The following IQCB1 variants were observed in gnomAD, a reference collection of about 807,000 sequenced individuals.
IQCB1 encodes IQ motif containing B1.
IQCB1 carries 56 observed loss-of-function variants against 84.4 expected under a neutral mutation model. That is an observed-to-expected ratio of 0.66 (90% CI 0.54 to 0.83). The LOEUF is 0.83. IQCB1 is among the 40% of genes least tolerant of loss of function. IQCB1 has a pLI of 0.00. For synonymous variants in IQCB1, 210 were observed against 234.8 expected, an observed-to-expected ratio of 0.89 and a Z score of 0.96; for missense variants, 629 against 682.1, an observed-to-expected ratio of 0.92 and a Z score of 0.87.
intron 5 of IQCB1, among the ~76,000 whole-genome samples, chr3:121,823,273 C>T (rs1184272129): frequency 6.6e-6 from 1 of 152,036 alleles, no homozygotes; most frequent in Admixed American, 6.6e-5. Context: ...ATAGGGCAAA[C>T]AAAAGTATTT....
chr3:121,803,948 AGGTTTAAATCTACCACTT>A (rs1428093359), intron 7 of IQCB1, among the ~76,000 whole-genome samples: 2 of 152,086 alleles, frequency 1.3e-5, no homozygotes, highest in African/African-American at 4.8e-5. Context: ...TAAGATAGAT[AGGTTTAAATCTACCACTT>A]GGTTTTGTTT....
At chr3:121,792,326 T>C (rs566780938) in intron 10 of IQCB1, among the ~76,000 whole-genome samples, 42 of 151,868 alleles carry the variant, frequency 2.8e-4, no homozygotes, top group Non-Finnish European at 4.7e-4. Flanking sequence ...CTATGGAGCA[T>C]GAAGGTGGAA....
At chr3:121,781,992 A>G in intron 12 of IQCB1, 118 bp from the exon 13 acceptor site, 1 of 1,028,222 alleles carries the variant, frequency 9.7e-7, no homozygotes, top group Non-Finnish European at 1.5e-6. Context: ...GAGTGTGTAT[A>G]AGGAGGGGAA....
At chr3:121,826,358 C>A (rs371857548) in intron 4 of IQCB1, among the ~76,000 whole-genome samples, 178 bp from the exon 5 acceptor site, 29 of 152,156 alleles carry the variant, frequency 1.9e-4, no homozygotes, top group Admixed American at 5.9e-4. Context: ...GTGGTATGGA[C>A]CATGCTTGTA....
intron 2 of IQCB1, among the ~76,000 whole-genome samples, chr3:121,831,447 C>T (rs1950636829): frequency 6.6e-6 from 1 of 152,114 alleles, no homozygotes; most frequent in Non-Finnish European, 1.5e-5. Flanking sequence ...GTTAGCTCCT[C>T]TAGCAAATTA....
chr3:121,807,504 T>C (rs1949649560), intron 6 of IQCB1, 61 bp from the exon 7 acceptor site: 1 of 904,070 alleles, frequency 1.1e-6, no homozygotes, highest in Non-Finnish European at 1.8e-6. Flanking sequence ...CAAAGGAAGA[T>C]TTTGTTCTTT....
chr3:121,771,170 C>T (rs1200726348), intron 14 of IQCB1, among the ~76,000 whole-genome samples: 1 of 151,500 alleles, frequency 6.6e-6, no homozygotes, highest in Admixed American at 6.6e-5. Flanking sequence ...GGGCGTTTCA[C>T]CATGTTGGTC....
chr3:121,771,476 C>T (rs1947989693), intron 14 of IQCB1, among the ~76,000 whole-genome samples: 1 of 148,726 alleles, frequency 6.7e-6, no homozygotes, highest in African/African-American at 2.5e-5. Flanking sequence ...TTACAGGCAC[C>T]CGCCACCATG....
intron 12 of IQCB1, among the ~76,000 whole-genome samples, chr3:121,786,787 G>A (rs1021363729): frequency 8.5e-5 from 13 of 152,106 alleles, no homozygotes; most frequent in Admixed American, 3.9e-4. Flanking sequence ...TCTAAGAAAT[G>A]GTAGGCAAAC....
At chr3:121,832,967 G>T (rs955307558) in intron 2 of IQCB1, among the ~76,000 whole-genome samples, 1 of 151,972 alleles carries the variant, frequency 6.6e-6, no homozygotes. Flanking sequence ...ACATACACAG[G>T]GTATCTTTTT....
intron 2 of IQCB1, among the ~76,000 whole-genome samples, chr3:121,831,383 AG>A (rs1950634092): frequency 6.6e-6 from 1 of 152,064 alleles, no homozygotes; most frequent in Non-Finnish European, 1.5e-5. Context: ...CATGTTGCCC[AG>A]GGTCTCTGTA....
intron 2 of IQCB1, among the ~76,000 whole-genome samples, chr3:121,831,735 T>C (rs538510936): frequency 6.6e-5 from 10 of 152,328 alleles, no homozygotes; most frequent in African/African-American, 2.2e-4. Context: ...GTGTTGATTG[T>C]CATGATGTGA....
chr3:121,800,019 A>G (rs1949344156), intron 7 of IQCB1, among the ~76,000 whole-genome samples: 1 of 151,872 alleles, frequency 6.6e-6, no homozygotes, highest in Non-Finnish European at 1.5e-5. Context: ...AAAATACTTT[A>G]CAATTCTGTA....
At chr3:121,819,635 A>G (rs192697210) in intron 5 of IQCB1, among the ~76,000 whole-genome samples, 29 of 152,308 alleles carry the variant, frequency 1.9e-4, no homozygotes, top group African/African-American at 6.7e-4. Flanking sequence ...TTAATGATTA[A>G]TAATTATGCT....
chr3:121,811,360 C>T (rs964141294), intron 5 of IQCB1, among the ~76,000 whole-genome samples: 4 of 152,178 alleles, frequency 2.6e-5, no homozygotes, highest in African/African-American at 9.6e-5. Context: ...AGACACTGAG[C>T]TAGCTGCACG....
rs1438556487 is a variant in IQCB1 at position 121,808,986 on chromosome 3, T to C, written c.417A>G (p.Leu139=). 1.2e-6 allele frequency: 2 copies of C among 1,606,668 alleles called. No individual in the cohort carries two copies. The highest frequency in any genetic ancestry group is 2.2e-5 in the East Asian group (1 of 44,704). ...AATCAGTCACAATTTGGAAAAAGTG[T>C]AGTAATTCATCTTTTTCTTCAGCCT... ...AAKAEEKDEL[L]HFFQIVTDSL... The change falls in exon 6 of 15, where the codon CTA becomes CTG. Residue 139 remains leucine (L), a synonymous_variant. Coordinates refer to ENST00000310864, the MANE Select transcript of IQCB1 (RefSeq NM_001023570.4).
chr3:121,772,843 A>C, intron 13 of IQCB1, 130 bp from the exon 14 acceptor site: 1 of 819,654 alleles, frequency 1.2e-6, no homozygotes, highest in Non-Finnish European at 2.1e-6. Flanking sequence ...ATTGATGTCT[A>C]TCTTGTACTC....
Position 121,770,509 on chromosome 3 carries a change from C to T in IQCB1, c.1633G>A (p.Val545Met). The T allele has an allele frequency of 1.9e-6, 3 of 1,614,200 alleles. No individual in the cohort carries two copies. The highest frequency in any genetic ancestry group is 2.5e-6 in the Non-Finnish European group (3 of 1,180,038). Residue 545 changes from valine to methionine, a missense_variant, in exon 15 of 15, where the codon GTG becomes ATG. Val to Met is a conservative substitution (Grantham distance 21, BLOSUM62 1). Transcript: ENST00000310864. ...TGGGCCTGCTTGGCCTTGGCTGCCACAGGCCTGGATCTACTTAGGAAGAGC... is the reference window on the plus strand; with the variant it reads ...TGGGCCTGCTTGGCCTTGGCTGCCATAGGCCTGGATCTACTTAGGAAGAGC... ...PELFLSRSRP[V>M]AAKAKQAHLT...
chr3:121,783,843 T>G (rs1018120084), intron 12 of IQCB1, among the ~76,000 whole-genome samples: 13 of 152,202 alleles, frequency 8.5e-5, no homozygotes, highest in African/African-American at 3.1e-4. Flanking sequence ...AAAAATGTCT[T>G]TGGTCTGTCC....
Sources: gnomAD v4.1 joint callset for allele counts (sites outside exome capture counted in the v4.1 genomes callset) on GRCh38, gnomAD v4.1.1 for gene constraint, MANE v1.5 for transcripts, NCBI Gene and HGNC (gene_info 2026-07-23, HGNC 2026-07-21) for gene names.